Variants in ERC1 observed in about 807,000 individuals in gnomAD.
ERC1 encodes RAB6 interacting protein 2.
In ERC1, 56 loss-of-function variants were observed where a neutral mutation model predicts 132.0. The ratio of observed to expected loss-of-function variants is 0.42; its 90% CI spans 0.34 to 0.53. The LOEUF (loss-of-function observed/expected upper bound fraction) is 0.53, where lower values mean the gene tolerates loss of function less well. Ranked by LOEUF, ERC1 falls within the 20% of genes least tolerant of loss-of-function variation. The pLI, the probability that ERC1 is intolerant of heterozygous loss-of-function variation, is 0.03. For missense variants in ERC1, 1,202 were observed against 1,349.9 expected, an observed-to-expected ratio of 0.89 and a Z score of 1.72; for synonymous variants, 478 against 476.1, an observed-to-expected ratio of 1.00 and a Z score of -0.05.
At chr12:1,145,811 C>T (rs138147727) in intron 8 of ERC1, among the ~76,000 whole-genome samples, 1 of 152,154 alleles carries the variant, frequency 6.6e-6, no homozygotes, top group African/African-American at 2.4e-5. Context: ...TATCCCAGCA[C>T]CATTTGTTGA....
chr12:1,293,359 G>C (rs61912041), intron 15 of ERC1, among the ~76,000 whole-genome samples: 2 of 136,734 alleles, frequency 1.5e-5, no homozygotes, highest in African/African-American at 5.4e-5. Context: ...AGGCTGAGGC[G>C]GGAGAATAGC....
At chr12:1,041,505 C>T (rs1970213093) in intron 2 of ERC1, among the ~76,000 whole-genome samples, 1 of 152,154 alleles carries the variant, frequency 6.6e-6, no homozygotes, top group Non-Finnish European at 1.5e-5. Flanking sequence ...CCGTACCCAG[C>T]CTAGTTTTGC....
At chr12:1,134,640 C>A (rs547337976) in intron 7 of ERC1, among the ~76,000 whole-genome samples, 2 of 152,156 alleles carry the variant, frequency 1.3e-5, no homozygotes, top group African/African-American at 4.8e-5. Flanking sequence ...GTGTGAGCCA[C>A]CGCACCTGGC....
At chr12:1,119,342 G>A (rs1026395236) in intron 7 of ERC1, among the ~76,000 whole-genome samples, 9 of 151,622 alleles carry the variant, frequency 5.9e-5, no homozygotes, top group African/African-American at 1.7e-4. Context: ...ATATGGAATC[G>A]CTCCCGTTTT....
At chr12:1,319,960 A>G (rs971643166) in intron 15 of ERC1, among the ~76,000 whole-genome samples, 3 of 152,136 alleles carry the variant, frequency 2.0e-5, no homozygotes, top group African/African-American at 7.2e-5. Context: ...TTATATATAC[A>G]ATGTTAGATA....
chr12:1,254,617 A>G (rs1265204090), intron 13 of ERC1, among the ~76,000 whole-genome samples: 3 of 151,928 alleles, frequency 2.0e-5, no homozygotes, highest in South Asian at 4.2e-4. Context: ...GGTTCAGGCA[A>G]TTCTCCCTGC....
intron 18 of ERC1, among the ~76,000 whole-genome samples, chr12:1,471,204 C>T (rs986618205): frequency 2.6e-5 from 4 of 152,112 alleles, no homozygotes; most frequent in East Asian, 1.9e-4. Flanking sequence ...GCAGGAGGAT[C>T]GTTTAAGGCC....
intron 17 of ERC1, among the ~76,000 whole-genome samples, chr12:1,434,205 G>A (rs982918625): frequency 2.0e-5 from 3 of 152,028 alleles, no homozygotes; most frequent in Non-Finnish European, 2.9e-5. Flanking sequence ...TATCAAAAAC[G>A]TGGTCTCCAT....
At chr12:1,146,491 G>T (rs2968889) in intron 8 of ERC1, among the ~76,000 whole-genome samples, 3,317 of 151,318 alleles carry the variant, frequency 0.022, 113 homozygotes, top group African/African-American at 0.075. Context: ...AGTCTTTAGG[G>T]CTTTGTAGTT....
At chr12:1,269,790 G>T (rs1290261616) in intron 14 of ERC1, among the ~76,000 whole-genome samples, 1 of 152,170 alleles carries the variant, frequency 6.6e-6, no homozygotes, top group Non-Finnish European at 1.5e-5. Flanking sequence ...CTGCTCAAAA[G>T]GCACCTAAGG....
intron 16 of ERC1, among the ~76,000 whole-genome samples, chr12:1,398,603 A>G (rs1399012051): frequency 2.6e-5 from 4 of 152,240 alleles, no homozygotes; most frequent in African/African-American, 7.2e-5. Context: ...ATAAATAATA[A>G]ACACCCCACA....
intron 8 of ERC1, among the ~76,000 whole-genome samples, chr12:1,168,006 G>A (rs1337066402): frequency 6.6e-6 from 1 of 151,934 alleles, no homozygotes; most frequent in Non-Finnish European, 1.5e-5. Context: ...GAGTCACCGC[G>A]CCCCGTCAGC....
At chr12:1,146,405 T>C (rs1196265409) in intron 8 of ERC1, among the ~76,000 whole-genome samples, 1 of 149,344 alleles carries the variant, frequency 6.7e-6, no homozygotes, top group African/African-American at 2.5e-5. Context: ...GTAGTAGTGC[T>C]GCTGATTTGT....
chr12:1,457,508 C>T (rs76708643), intron 18 of ERC1, among the ~76,000 whole-genome samples: 2,571 of 152,000 alleles, frequency 0.017, 75 homozygotes, highest in African/African-American at 0.059. Context: ...TCTAGGAGAC[C>T]GTAAATATTG....
chr12:1,182,645 A>G (rs1317940825), intron 10 of ERC1, among the ~76,000 whole-genome samples: 2 of 149,244 alleles, frequency 1.3e-5, no homozygotes, highest in South Asian at 2.1e-4. Flanking sequence ...TTTTCTTTTA[A>G]TAGGGAAAAA....
At chr12:1,435,016 G>A (rs2092911690) in intron 17 of ERC1, among the ~76,000 whole-genome samples, 1 of 152,168 alleles carries the variant, frequency 6.6e-6, no homozygotes, top group South Asian at 2.1e-4. Context: ...GGTAGAGAAA[G>A]CCGTCTTCCT....
intron 7 of ERC1, 77 bp from the exon 8 acceptor site, chr12:1,141,543 T>G: frequency 8.0e-7 from 1 of 1,250,126 alleles, no homozygotes; most frequent in Non-Finnish European, 1.1e-6. Flanking sequence ...CTTTATAACC[T>G]TTATAACATA....
intron 2 of ERC1, among the ~76,000 whole-genome samples, chr12:1,035,573 G>T (rs1310912178): frequency 6.6e-6 from 1 of 152,080 alleles, no homozygotes; most frequent in Non-Finnish European, 1.5e-5. Flanking sequence ...TTTGGTGTAT[G>T]TTTGACAAAG....
At chr12:1,390,222 A>G (rs1253414228) in intron 16 of ERC1, among the ~76,000 whole-genome samples, 1 of 152,210 alleles carries the variant, frequency 6.6e-6, no homozygotes, top group Non-Finnish European at 1.5e-5. Flanking sequence ...ACAAACATCT[A>G]AACAGGGATA....
Sources: allele counts gnomAD v4.1 joint callset (sites outside exome capture counted in the v4.1 genomes callset), GRCh38; gene constraint gnomAD v4.1.1; transcripts MANE v1.5; gene names NCBI Gene and HGNC (gene_info 2026-07-23, HGNC 2026-07-21).